The following PIAS1 variants were observed in gnomAD, a reference collection of about 807,000 sequenced individuals.
PIAS1 encodes the protein E3 SUMO-protein ligase PIAS1.
A neutral mutation model predicts 71.3 loss-of-function variants in PIAS1; 6 were observed. The observed-to-expected ratio is 0.08, with a 90% CI of 0.05 to 0.17. PIAS1 has a LOEUF of 0.17. Ranked by LOEUF, PIAS1 falls within the 10% of genes least tolerant of loss-of-function variation. The probability of loss-of-function intolerance (pLI) is 1.00; values close to 1 mark genes in which losing one functional copy is unlikely to be tolerated. For missense variants in PIAS1, 555 were observed against 793.6 expected (o/e 0.70, Z 3.61); for synonymous variants, 303 against 292.9 (o/e 1.03, Z -0.35).
At chr15:68,158,840 A>C (rs1409412583) in intron 7 of PIAS1, among the ~76,000 whole-genome samples, 2 of 152,204 alleles carry the variant, frequency 1.3e-5, no homozygotes, top group African/African-American at 4.8e-5. Flanking sequence ...GTAATAGAAC[A>C]ATCTGTGATA....
intron 2 of PIAS1, among the ~76,000 whole-genome samples, chr15:68,098,363 T>C (rs1338375401): frequency 6.6e-6 from 1 of 152,174 alleles, no homozygotes; most frequent in Non-Finnish European, 1.5e-5. Flanking sequence ...TGGATCATTA[T>C]AAAGGTTTTC....
In PIAS1 at chr15:68,064,978, C is replaced by G. The variant is rs575721838; in HGVS notation, c.24+10628C>G. 1.6e-4 allele frequency among the ~76,000 whole-genome samples: 25 copies of G among 152,062 alleles called. No homozygotes were observed. The South Asian group carries it at 4.6e-3, about 28-fold the overall frequency. Reference sequence around the variant, plus strand: ...CAGGCTGGTCTCGAAGTCGGGGGCTCCAGTGATCGCCTGCCTCGGCCTCCC... The same window carrying G: ...CAGGCTGGTCTCGAAGTCGGGGGCTGCAGTGATCGCCTGCCTCGGCCTCCC... On this transcript the variant is annotated intron_variant, in intron 1 of 13. Coordinates refer to ENST00000249636, the MANE Select transcript of PIAS1 (RefSeq NM_016166.3).
intron 8 of PIAS1, 125 bp downstream of exon 8, chr15:68,164,929 T>G: frequency 1.7e-6 from 1 of 582,496 alleles, no homozygotes; most frequent in Admixed American, 2.9e-5. Context: ...TTACAGTTTA[T>G]GAAAAGTGGA....
Position 68,188,089 on chromosome 15 carries a change from A to G in PIAS1, c.*254A>G. The G allele has an allele frequency of 3.5e-6, 1 of 282,752 alleles. No homozygotes were observed. Among genetic ancestry groups the G allele is most frequent in the Non-Finnish European group, 6.6e-6 (1 of 151,718 alleles). 17.5% of individuals were successfully genotyped at this position (282,752 alleles called of 1,614,324 possible). The stretch of plus-strand genomic sequence containing the variant: ...TAAAAAAAAAAAGGAAAGAAAAGAA[A>G]AAAGAAAAACAAGCACCCACAAACC... On this transcript the variant is annotated 3_prime_UTR_variant, in exon 14 of 14. Transcript: ENST00000249636.
intron 2 of PIAS1, among the ~76,000 whole-genome samples, chr15:68,102,640 C>T (rs906785168): frequency 3.3e-5 from 5 of 152,072 alleles, no homozygotes; most frequent in African/African-American, 1.2e-4. Context: ...TTATAGTTTT[C>T]AGTATATAGT....
At chr15:68,151,884 T>C (rs1365917581) in intron 6 of PIAS1, among the ~76,000 whole-genome samples, 3 of 146,008 alleles carry the variant, frequency 2.1e-5, no homozygotes, top group Admixed American at 6.9e-5. Flanking sequence ...AATAAACAAA[T>C]AAAGCTTGTC....
At chr15:68,071,001 C>G (rs1410677940) in intron 1 of PIAS1, among the ~76,000 whole-genome samples, 1 of 151,932 alleles carries the variant, frequency 6.6e-6, no homozygotes, top group South Asian at 2.1e-4. Context: ...ATTGTATTTC[C>G]TTTGAACAGC....
rs543052318 is a variant in PIAS1 at position 68,054,727 on chromosome 15, G to T, written c.24+377G>T. The T allele has an allele frequency of 9.4e-5, 17 of 180,352 alleles. No homozygotes were observed. In the South Asian group the frequency reaches 2.5e-3, roughly 27 times the overall value. 11.2% of individuals were successfully genotyped at this position (180,352 alleles called of 1,614,324 possible). Reference sequence around the variant, plus strand: ...CTGGGGCTGGGGGCAGGGTGCTCTCGTAGGGGGGATTGGGAAAGCTCCCCG... The same window carrying T: ...CTGGGGCTGGGGGCAGGGTGCTCTCTTAGGGGGGATTGGGAAAGCTCCCCG... On this transcript the variant is annotated intron_variant, in intron 1 of 13. Transcript: ENST00000249636. The surrounding 1 kb of genome is among the most constrained non-coding windows in gnomAD (Gnocchi z 4.6).
chr15:68,135,155 A>C (rs1382675795), intron 2 of PIAS1, among the ~76,000 whole-genome samples: 1 of 32,082 alleles, frequency 3.1e-5, no homozygotes, highest in African/African-American at 6.9e-5. Flanking sequence ...TGACCCCCCC[A>C]CCTCCCTCCC....
At chr15:68,069,803 CAAAAA>C (rs56693841) in intron 1 of PIAS1, among the ~76,000 whole-genome samples, 3 of 101,462 alleles carry the variant, frequency 3.0e-5, no homozygotes, top group Non-Finnish European at 2.0e-5. Flanking sequence ...GACTCCGTCT[CAAAAA>C]AAAAAAAAAA....
At chr15:68,080,235 TTATC>T (rs905117576) in intron 1 of PIAS1, among the ~76,000 whole-genome samples, 20 of 152,230 alleles carry the variant, frequency 1.3e-4, no homozygotes, top group Admixed American at 4.6e-4. Context: ...GATGTTTAAA[TTATC>T]TATCAAAAAT....
intron 4 of PIAS1, 31 bp downstream of exon 4, chr15:68,142,368 G>A: frequency 6.8e-7 from 1 of 1,469,980 alleles, no homozygotes. Flanking sequence ...TATATTCAAA[G>A]TTTAAAAGAT....
At chr15:68,096,983 T>C (rs968406968) in intron 2 of PIAS1, among the ~76,000 whole-genome samples, 2 of 152,228 alleles carry the variant, frequency 1.3e-5, no homozygotes, top group African/African-American at 4.8e-5. Context: ...GCCTTGTTCC[T>C]GATCTTAGAG....
At chr15:68,172,842 G>A (rs73423798) in intron 8 of PIAS1, among the ~76,000 whole-genome samples, 4,755 of 152,260 alleles carry the variant, frequency 0.031, 247 homozygotes, top group African/African-American at 0.1. Context: ...GACTCAACCC[G>A]TGTTAGCTGA....
At chr15:68,056,435 A>T (rs2091897158) in intron 1 of PIAS1, among the ~76,000 whole-genome samples, 2 of 152,256 alleles carry the variant, frequency 1.3e-5, no homozygotes, top group Non-Finnish European at 2.9e-5. Context: ...ATAAACACCA[A>T]ACACTTGAAG....
chr15:68,091,006 C>T (rs188914921), intron 2 of PIAS1, among the ~76,000 whole-genome samples: 10 of 151,248 alleles, frequency 6.6e-5, no homozygotes, highest in Non-Finnish European at 1.3e-4. Context: ...CTCACTAGCT[C>T]ACGTAACCTG....
chr15:68,114,220 T>C (rs531953682), intron 2 of PIAS1, among the ~76,000 whole-genome samples: 1 of 152,246 alleles, frequency 6.6e-6, no homozygotes, highest in East Asian at 1.9e-4. Context: ...AATATGTAAA[T>C]TTGCTTATTT....
intron 2 of PIAS1, among the ~76,000 whole-genome samples, chr15:68,123,970 A>G (rs112251433): frequency 0.055 from 3,293 of 59,416 alleles, 59 homozygotes; most frequent in South Asian, 0.1. Context: ...ATATGTATAC[A>G]TATGTGTGAA....
rs1385063112 is a variant in PIAS1, at chr15:68,187,972, AAATT to A, written c.*140_*143del. On this transcript the variant is annotated 3_prime_UTR_variant, in exon 14 of 14. Coordinates refer to ENST00000249636, the MANE Select transcript of PIAS1 (RefSeq NM_016166.3). The surrounding 1 kb of genome is among the most constrained non-coding windows in gnomAD (Gnocchi z 5.3). ...GTTTTTTTTCCTTTTTTTAGGGAAA[AAATT>A]AAAAGAAATGTACAGAGAACAAAAC... 1.4e-6 allele frequency: 1 copy of A among 693,794 alleles called. No homozygotes were observed. Among genetic ancestry groups the A allele is most frequent in the Non-Finnish European group, 2.4e-6 (1 of 422,178 alleles). The allele number at this position is 693,794 out of a possible 1,614,324, so 43.0% of individuals were successfully genotyped here.
Sources: allele counts gnomAD v4.1 joint callset (sites outside exome capture counted in the v4.1 genomes callset), GRCh38; gene constraint gnomAD v4.1.1; non-coding constraint Gnocchi (gnomAD v3.1); transcripts MANE v1.5; gene names NCBI Gene and HGNC (gene_info 2026-07-23, HGNC 2026-07-21).